The following CD163L1 variants were observed in gnomAD, a reference collection of about 807,000 sequenced individuals.
CD163L1 encodes the protein scavenger receptor cysteine-rich type 1 protein M160.
A neutral mutation model predicts 165.4 loss-of-function variants in CD163L1; 124 were observed. The ratio of observed to expected loss-of-function variants is 0.75; its 90% CI spans 0.65 to 0.87. The LOEUF (loss-of-function observed/expected upper bound fraction) is 0.87. Among genes scored for constraint, CD163L1 ranks in the 40% least tolerant of loss-of-function variants. CD163L1 has a pLI of 0.00. For synonymous variants in CD163L1, 585 were observed against 662.2 expected, an observed-to-expected ratio of 0.88 and a Z score of 1.79; for missense variants, 1,525 against 1,799.9, an observed-to-expected ratio of 0.85 and a Z score of 2.76.
chr12:7,430,377 C>T (rs1028145618), intron 4 of CD163L1, among the ~76,000 whole-genome samples: 2 of 152,122 alleles, frequency 1.3e-5, no homozygotes, highest in Non-Finnish European at 2.9e-5. Context: ...AATTAAAGAA[C>T]TTTGTATCTT....
Position 7,403,529 on chromosome 12 carries a change from C to A in CD163L1, c.1408+6G>T, listed in dbSNP as rs369043883. The A allele has an allele frequency of 3.1e-6, 5 of 1,606,344 alleles. No homozygotes were observed. Among genetic ancestry groups the A allele is most frequent in the Non-Finnish European group, 4.3e-6 (5 of 1,176,204 alleles). On this transcript the variant is annotated splice_donor_region_variant and intron_variant, in intron 6 of 19. Coordinates refer to ENST00000313599, the MANE Select transcript of CD163L1 (RefSeq NM_174941.6). ...TGTGTACACTCTCATGATCTTTGAA[C>A]CTTACCAGAACAAATTACTCCAGCA...
intron 4 of CD163L1, among the ~76,000 whole-genome samples, chr12:7,421,041 A>ATATATATACATATATATATATGTG (rs1217962587): frequency 2.8e-5 from 3 of 108,598 alleles, no homozygotes; most frequent in East Asian, 3.3e-4. Context: ...ATATACGTGT[A>ATATATATACATATATATATATGTG]TATATATGTA....
At position 7,369,654 on chromosome 12, in the gene CD163L1, C is replaced by A. The variant is rs1389507707; in HGVS notation, c.3742G>T (p.Val1248Leu). 2.5e-6 allele frequency: 4 copies of A among 1,612,090 alleles called. No individual in the cohort carries two copies. The South Asian group carries it at 4.4e-5, about 18-fold the overall frequency. ...TWITCEDRIRVRGGDTECSGR... is the reference protein window; with the variant it reads ...TWITCEDRIRLRGGDTECSGR... ...GAGCACTCGGTGTCTCCTCCACGCA[C>A]TCTTATTCTATCTACAAAGGCACAA... Residue 1248 changes from valine (V) to leucine (L), a missense_variant, in exon 15 of 20, where the codon GTG (valine) becomes TTG (leucine). Transcript: ENST00000313599. The surrounding 1 kb of genome is among the most constrained non-coding windows in gnomAD (Gnocchi z 4.9).
chr12:7,333,909 G>C, the CD163L1 span, among the ~76,000 whole-genome samples: 1 of 151,918 alleles, frequency 6.6e-6, no homozygotes, highest in Admixed American at 6.6e-5. Flanking sequence ...ATAAATTCCT[G>C]GACACATACA....
chr12:7,358,138 AC>A lies in CD163L1; in HGVS notation c.4280-653del, dbSNP rs758993359. On this transcript the variant is annotated intron_variant, in intron 18 of 19. Coordinates refer to ENST00000313599, the MANE Select transcript of CD163L1 (RefSeq NM_174941.6). Reference sequence around the variant, plus strand: ...ACTACCACCAAAATTGGAGAGACAGACAGGCAGAGACAGAGAATTGCAACTT... The same window carrying A: ...ACTACCACCAAAATTGGAGAGACAGAAGGCAGAGACAGAGAATTGCAACTT... Among the ~76,000 whole-genome samples, 8 of 152,310 alleles carry A rather than the reference AC, an allele frequency of 5.3e-5. No individual in the cohort carries two copies. The South Asian group carries it at 1.7e-3, about 32-fold the overall frequency.
intron 4 of CD163L1, among the ~76,000 whole-genome samples, chr12:7,417,578 T>C (rs1180610628): frequency 2.0e-5 from 3 of 152,214 alleles, no homozygotes; most frequent in African/African-American, 7.2e-5. Context: ...TATTTTGAGA[T>C]ACATTCCATC....
In CD163L1 at chr12:7,375,509, A is replaced by C; in HGVS notation, c.2773T>G (p.Cys925Gly). Residue 925 changes from cysteine to glycine, a missense_variant, in exon 11 of 20, where the codon TGT becomes GGT. Coordinates refer to ENST00000313599, the MANE Select transcript of CD163L1 (RefSeq NM_174941.6). ...TCTTCTGGGTCCCAGTGGGTGTCAC[A>C]CAGTGAGCCCCAGTGTCCAAGCACG... ...INVLGHWGSLCDTHWDPEDAR... is the reference protein window; with the variant it reads ...INVLGHWGSLGDTHWDPEDAR... 1.2e-6 allele frequency: 2 copies of C among 1,614,126 alleles called. No individual in the cohort carries two copies. Among genetic ancestry groups the C allele is most frequent in the Non-Finnish European group, 1.7e-6 (2 of 1,180,024 alleles).
chr12:7,383,042 G>A (rs907953688), intron 8 of CD163L1, among the ~76,000 whole-genome samples: 1 of 152,170 alleles, frequency 6.6e-6, no homozygotes, highest in African/African-American at 2.4e-5. Flanking sequence ...ATCACTGATA[G>A]CAACCCCACT....
chr12:7,422,252 C>G (rs185763465), intron 4 of CD163L1, among the ~76,000 whole-genome samples: 6 of 152,050 alleles, frequency 3.9e-5, no homozygotes, highest in African/African-American at 1.4e-4. Flanking sequence ...TCAACATCAA[C>G]AAAAGAATGT....
At chr12:7,337,462 C>G in the CD163L1 span, among the ~76,000 whole-genome samples, 1 of 152,092 alleles carries the variant, frequency 6.6e-6, no homozygotes, top group Non-Finnish European at 1.5e-5. Flanking sequence ...GGAACTTAAA[C>G]AAGTTTATGA....
chr12:7,421,330 A>G (rs764434158), intron 4 of CD163L1, among the ~76,000 whole-genome samples: 8 of 99,822 alleles, frequency 8.0e-5, no homozygotes, highest in Admixed American at 2.3e-4. Context: ...ATATATATGT[A>G]TATATATCTT....
intron 4 of CD163L1, among the ~76,000 whole-genome samples, chr12:7,431,269 T>C (rs1334131500): frequency 6.6e-6 from 1 of 151,884 alleles, no homozygotes; most frequent in African/African-American, 2.4e-5. Context: ...AAAAATACTG[T>C]AGCCGGGCGT....
At chr12:7,439,234 T>C in intron 2 of CD163L1, 1 of 1,576,344 alleles carries the variant, frequency 6.3e-7, no homozygotes, top group Non-Finnish European at 8.6e-7. Flanking sequence ...CAAATTTTCT[T>C]TTTTTGTTTT....
At chr12:7,319,239 A>G in the CD163L1 span, among the ~76,000 whole-genome samples, 5 of 152,216 alleles carry the variant, frequency 3.3e-5, no homozygotes, top group South Asian at 2.1e-4. Flanking sequence ...TCAGGCTCCT[A>G]TGAGAATCTA....
At chr12:7,437,987 G>C (rs1203202649) in intron 2 of CD163L1, among the ~76,000 whole-genome samples, 3 of 150,612 alleles carry the variant, frequency 2.0e-5, no homozygotes, top group African/African-American at 7.3e-5. Flanking sequence ...TCCCCCTTCT[G>C]GTCCTTGTAC....
chr12:7,376,165 A>G, intron 9 of CD163L1, 151 bp from the exon 10 acceptor site: 3 of 670,526 alleles, frequency 4.5e-6, no homozygotes, highest in Non-Finnish European at 5.0e-6. Context: ...TTAGCAGTAC[A>G]GACTTAAATT....
chr12:7,437,066 G>T (rs1226385809), intron 2 of CD163L1, among the ~76,000 whole-genome samples: 1 of 147,636 alleles, frequency 6.8e-6, no homozygotes, highest in Non-Finnish European at 1.5e-5. Flanking sequence ...GCCACAAATT[G>T]GTATTTTAAA....
chr12:7,373,556 C>A lies in CD163L1; in HGVS notation c.3494G>T (p.Gly1165Val), dbSNP rs1406760135. 3 of 1,614,150 alleles carry A rather than the reference C, an allele frequency of 1.9e-6. No homozygotes were observed. Among genetic ancestry groups the A allele is most frequent in the Non-Finnish European group, 2.5e-6 (3 of 1,180,008 alleles). The change falls in exon 14 of 20, where the codon GGC (glycine) becomes GTC (valine). Residue 1165 changes from glycine to valine, a missense_variant. Physicochemically the swap from Gly to Val is moderately radical, Grantham distance 109. Transcript: ENST00000313599. ...GGTGATGTTCCTCCTGCCGACGCTG[C>A]CCCAGGTCCCGTTATAGAAGACTTC... Reference protein sequence around the residue: ...RLEVFYNGTWGSVGRRNITTA... With the variant: ...RLEVFYNGTWVSVGRRNITTA...
In CD163L1 at chr12:7,373,549, G is replaced by A. The variant is rs980322713; in HGVS notation, c.3501C>T (p.Val1167=). 2.9e-5 allele frequency: 47 copies of A among 1,614,036 alleles called. No individual in the cohort carries two copies. The highest frequency in any genetic ancestry group is 8.9e-5 in the East Asian group (4 of 44,898). ...TGGCTGTGGTGATGTTCCTCCTGCCGACGCTGCCCCAGGTCCCGTTATAGA... is the reference window on the plus strand; with the variant it reads ...TGGCTGTGGTGATGTTCCTCCTGCCAACGCTGCCCCAGGTCCCGTTATAGA... ...EVFYNGTWGS[V]GRRNITTAIA... The change falls in exon 14 of 20, where the codon GTC becomes GTT. Residue 1167 remains valine (V), a synonymous_variant. Coordinates refer to ENST00000313599, the MANE Select transcript of CD163L1 (RefSeq NM_174941.6).
Sources: allele counts gnomAD v4.1 joint callset (sites outside exome capture counted in the v4.1 genomes callset), GRCh38; gene constraint gnomAD v4.1.1; non-coding constraint Gnocchi (gnomAD v3.1); transcripts MANE v1.5; gene names NCBI Gene and HGNC (gene_info 2026-07-23, HGNC 2026-07-21).